THADA: variants seen among roughly 807,000 people sequenced by gnomAD.
THADA encodes THADA armadillo repeat containing.
A neutral mutation model predicts 219.8 loss-of-function variants in THADA; 213 were observed. The observed-to-expected ratio is 0.97, with a 90% CI of 0.87 to 1.09. The LOEUF (loss-of-function observed/expected upper bound fraction) is 1.09. Among genes scored for constraint, THADA ranks in the 50% least tolerant of loss-of-function variants. THADA has a pLI of 0.00. For synonymous variants in THADA, 1,018 were observed against 828.9 expected (o/e 1.23, Z -3.92); for missense variants, 2,956 against 2,311.3 (o/e 1.28, Z -5.72).
intron 9 of THADA, 66 bp from the exon 10 acceptor site, chr2:43,577,308 A>G: frequency 8.1e-7 from 1 of 1,238,464 alleles, no homozygotes; most frequent in South Asian, 1.4e-5. Context: ...ATTTCAAAAT[A>G]CAAACCCAAA....
intron 29 of THADA, among the ~76,000 whole-genome samples, chr2:43,397,122 G>C (rs1212713033): frequency 1.3e-5 from 2 of 151,852 alleles, no homozygotes; most frequent in Non-Finnish European, 2.9e-5. Flanking sequence ...CACCCAGGCA[G>C]TCTGGCTCCA....
intron 25 of THADA, 30 bp from the exon 26 acceptor site, chr2:43,485,355 T>G: frequency 6.6e-7 from 1 of 1,510,972 alleles, no homozygotes; most frequent in African/African-American, 1.4e-5. Flanking sequence ...ACAATAAGGC[T>G]TAAATATTCT....
intron 29 of THADA, among the ~76,000 whole-genome samples, chr2:43,365,833 G>C (rs1306497543): frequency 6.6e-6 from 1 of 152,144 alleles, no homozygotes; most frequent in Non-Finnish European, 1.5e-5. Context: ...ACTGTGGATA[G>C]GCCAGGGGGT....
At chr2:43,554,282 G>A (rs1378471735) in intron 17 of THADA, among the ~76,000 whole-genome samples, 2 of 152,080 alleles carry the variant, frequency 1.3e-5, no homozygotes, top group African/African-American at 2.4e-5. Flanking sequence ...GCTAGCTTTT[G>A]TATATGGCAT....
intron 30 of THADA, among the ~76,000 whole-genome samples, chr2:43,321,750 A>C (rs953414001): frequency 1.3e-5 from 2 of 152,194 alleles, no homozygotes; most frequent in African/African-American, 4.8e-5. Flanking sequence ...GTGAGTGTTC[A>C]ATGTGGCACA....
At chr2:43,301,767 C>G (rs1362784408) in intron 31 of THADA, among the ~76,000 whole-genome samples, 1 of 152,118 alleles carries the variant, frequency 6.6e-6, no homozygotes, top group Non-Finnish European at 1.5e-5. Flanking sequence ...TTAAAGTGAC[C>G]TAGGTACAGC....
At chr2:43,247,593 T>C (rs1006896817) in intron 36 of THADA, among the ~76,000 whole-genome samples, 4 of 151,462 alleles carry the variant, frequency 2.6e-5, no homozygotes, top group African/African-American at 7.3e-5. Flanking sequence ...GCTGGGAGTA[T>C]TGGCAGGTGC....
intron 11 of THADA, 73 bp from the exon 12 acceptor site, chr2:43,573,065 T>A: frequency 8.3e-7 from 1 of 1,200,592 alleles, no homozygotes; most frequent in Non-Finnish European, 1.1e-6. Context: ...CTAATTTTCA[T>A]GTTTCCAATT....
chr2:43,590,815 T>C lies in THADA; in HGVS notation c.302+9A>G, dbSNP rs767403605. On this transcript the variant is annotated intron_variant, in intron 4 of 37. Coordinates refer to ENST00000405975, the MANE Select transcript of THADA (RefSeq NM_022065.5). ...TATAACACCCAACTTCCCTTCCTTT[T>C]TTTCTTACCTTGCCAATACTTTCTT... 5 of 1,610,050 alleles carry C rather than the reference T, an allele frequency of 3.1e-6. No individual in the cohort carries two copies. Among genetic ancestry groups the C allele is most frequent in the Non-Finnish European group, 4.2e-6 (5 of 1,178,736 alleles).
At chr2:43,418,080 T>A (rs1417959819) in intron 28 of THADA, among the ~76,000 whole-genome samples, 1 of 152,144 alleles carries the variant, frequency 6.6e-6, no homozygotes, top group Non-Finnish European at 1.5e-5. Context: ...AAAAACTGTA[T>A]CTGTCTGATT....
chr2:43,499,696 G>A (rs1233729442), intron 24 of THADA, among the ~76,000 whole-genome samples: 5 of 151,904 alleles, frequency 3.3e-5, no homozygotes, highest in East Asian at 1.9e-4. Flanking sequence ...GCTTAAAATC[G>A]GCACATTTTC....
At chr2:43,311,946 C>A (rs1363511251) in intron 31 of THADA, among the ~76,000 whole-genome samples, 1 of 152,204 alleles carries the variant, frequency 6.6e-6, no homozygotes, top group Non-Finnish European at 1.5e-5. Flanking sequence ...TGCCTGTAAT[C>A]CCAGCACTTT....
At chr2:43,387,040 T>C (rs931315156) in intron 29 of THADA, among the ~76,000 whole-genome samples, 1 of 152,228 alleles carries the variant, frequency 6.6e-6, no homozygotes, top group African/African-American at 2.4e-5. Flanking sequence ...AACATTTTTA[T>C]GTTCTGGGTT....
chr2:43,308,692 AC>A (rs1677135877), intron 31 of THADA, among the ~76,000 whole-genome samples: 1 of 144,258 alleles, frequency 6.9e-6, no homozygotes, highest in African/African-American at 2.5e-5. Flanking sequence ...ACAGTGCAAG[AC>A]CCTGTCTCTA....
At chr2:43,301,621 A>G (rs770628404) in intron 31 of THADA, among the ~76,000 whole-genome samples, 8 of 152,254 alleles carry the variant, frequency 5.3e-5, no homozygotes, top group Non-Finnish European at 1.0e-4. Flanking sequence ...AGCAGCTAAC[A>G]AAGAAATGCT....
chr2:43,265,559 C>T (rs750450570), intron 36 of THADA, among the ~76,000 whole-genome samples: 3 of 152,124 alleles, frequency 2.0e-5, no homozygotes, highest in Admixed American at 6.6e-5. Context: ...GTATCCCCCA[C>T]GGAGTTATTT....
At chr2:43,275,883 C>T (rs1672677504) in intron 36 of THADA, among the ~76,000 whole-genome samples, 1 of 152,214 alleles carries the variant, frequency 6.6e-6, no homozygotes, top group South Asian at 2.1e-4. Flanking sequence ...AAGTATTGTC[C>T]AGGTTGTTTT....
At chr2:43,259,101 C>T (rs1670660113) in intron 36 of THADA, among the ~76,000 whole-genome samples, 1 of 152,186 alleles carries the variant, frequency 6.6e-6, no homozygotes, top group Non-Finnish European at 1.5e-5. Context: ...TTCAGAGTGA[C>T]ATGATGGAGC....
At chr2:43,589,927 A>G (rs2104174904) in intron 4 of THADA, among the ~76,000 whole-genome samples, 1 of 152,354 alleles carries the variant, frequency 6.6e-6, no homozygotes. Flanking sequence ...ATTTTATGAC[A>G]TGGAAATATC....
Sources: gnomAD v4.1 joint callset for allele counts (sites outside exome capture counted in the v4.1 genomes callset) on GRCh38, gnomAD v4.1.1 for gene constraint, MANE v1.5 for transcripts, NCBI Gene and HGNC (gene_info 2026-07-23, HGNC 2026-07-21) for gene names.